The following ENOSF1 variants were observed in gnomAD, a reference collection of about 807,000 sequenced individuals.
The protein encoded by ENOSF1 is mitochondrial enolase superfamily member 1.
A neutral mutation model predicts 68.2 loss-of-function variants in ENOSF1; 73 were observed. The ratio of observed to expected loss-of-function variants is 1.07; its 90% CI spans 0.89 to 1.30. The LOEUF (loss-of-function observed/expected upper bound fraction) is 1.30. ENOSF1 is among the 50% of genes most tolerant of loss of function. The pLI, the probability that ENOSF1 is intolerant of heterozygous loss-of-function variation, is 0.00. For missense variants in ENOSF1, 589 were observed against 554.5 expected (o/e 1.06, Z -0.62); for synonymous variants, 223 against 210.4 (o/e 1.06, Z -0.52).
chr18:693,590 A>G (rs1353175683), intron 5 of ENOSF1: 39 of 985,288 alleles, frequency 4.0e-5, no homozygotes, highest in Non-Finnish European at 4.6e-5. Flanking sequence ...TCCTCTTGTC[A>G]TAGTCAGGCA....
chr18:682,142 C>T (rs1252622880), intron 11 of ENOSF1, among the ~76,000 whole-genome samples: 1 of 152,158 alleles, frequency 6.6e-6, no homozygotes, highest in African/African-American at 2.4e-5. Flanking sequence ...CATGAATGTA[C>T]AGTCGTGTCA....
chr18:677,028 G>A (rs2075585129), intron 14 of ENOSF1, among the ~76,000 whole-genome samples: 1 of 152,270 alleles, frequency 6.6e-6, no homozygotes, highest in Admixed American at 6.5e-5. Flanking sequence ...CCAGTACTGG[G>A]AAGAGGAGAT....
intron 9 of ENOSF1, chr18:688,329 G>C (rs1276434796): frequency 5.9e-6 from 3 of 505,988 alleles, no homozygotes; most frequent in Non-Finnish European, 1.1e-5. Context: ...CTAGGTTAGT[G>C]CCCGAAATAA....
chr18:674,925 TTGA>T (rs2075329013), intron 15 of ENOSF1, among the ~76,000 whole-genome samples: 1 of 152,230 alleles, frequency 6.6e-6, no homozygotes, highest in African/African-American at 2.4e-5. Flanking sequence ...ATCAAACTCT[TTGA>T]TAATAGTTTG....
At chr18:694,452 G>A (rs2077515581) in intron 3 of ENOSF1, 118 bp from the exon 4 acceptor site, 4 of 840,928 alleles carry the variant, frequency 4.8e-6, no homozygotes, top group Non-Finnish European at 7.5e-6. Flanking sequence ...CCAACATGGT[G>A]AAACCCCGTC....
intron 14 of ENOSF1, among the ~76,000 whole-genome samples, chr18:676,652 A>G (rs2075553664): frequency 6.6e-6 from 1 of 152,246 alleles, no homozygotes; most frequent in Non-Finnish European, 1.5e-5. Context: ...CAGTGCAAGA[A>G]TAGACTAATA....
At chr18:664,696 A>G in the ENOSF1 span, among the ~76,000 whole-genome samples, 1 of 150,892 alleles carries the variant, frequency 6.6e-6, no homozygotes, top group East Asian at 1.9e-4. Context: ...TGTCCCATCA[A>G]TACCTAATTT....
In ENOSF1 at chr18:672,772, C is replaced by T; in HGVS notation, c.*1533G>A. 1 of 1,405,768 alleles carries T rather than the reference C, an allele frequency of 7.1e-7. No homozygotes were observed. The highest frequency in any genetic ancestry group is 9.6e-7 in the Non-Finnish European group (1 of 1,036,588). The allele number at this position is 1,405,768 out of a possible 1,614,324, so 87.1% of individuals were successfully genotyped here. On this transcript the variant is annotated 3_prime_UTR_variant, in exon 16 of 16. Transcript: ENST00000647584. ...CTGTAAAATAGAACTTTGTTGATCA[C>T]ATCCTGTGTACTTGTTTCACGGACA...
intron 2 of ENOSF1, among the ~76,000 whole-genome samples, chr18:705,081 C>T (rs1017084966): frequency 2.0e-5 from 3 of 152,206 alleles, no homozygotes; most frequent in African/African-American, 7.2e-5. Flanking sequence ...TTCGCACATA[C>T]ACACACTCAC....
intron 14 of ENOSF1, 53 bp downstream of exon 14, chr18:677,292 C>T: frequency 1.4e-6 from 2 of 1,445,546 alleles, no homozygotes; most frequent in South Asian, 2.3e-5. Flanking sequence ...CAAGCTCTGG[C>T]CTGGATTGAG....
At chr18:706,022 T>C (rs1344589058) in intron 2 of ENOSF1, among the ~76,000 whole-genome samples, 2 of 151,722 alleles carry the variant, frequency 1.3e-5, no homozygotes, top group African/African-American at 4.8e-5. Flanking sequence ...AATATATACA[T>C]ATATATATTG....
chr18:675,618 T>C (rs1049750840), intron 14 of ENOSF1: 1 of 557,652 alleles, frequency 1.8e-6, no homozygotes, highest in African/African-American at 1.9e-5. Flanking sequence ...TTTGATGACA[T>C]GAACACACGA....
intron 9 of ENOSF1, 150 bp downstream of exon 9, chr18:688,424 T>C: frequency 1.1e-6 from 1 of 876,110 alleles, no homozygotes; most frequent in East Asian, 2.7e-5. Flanking sequence ...GAGCCTGGCC[T>C]AAGGGGAAAC....
chr18:691,252 T>C lies in ENOSF1; in HGVS notation c.448A>G (p.Ile150Val), dbSNP rs143796568. 1,721 of 1,614,154 alleles carry C rather than the reference T, an allele frequency of 1.1e-3. 6 individuals are homozygous for C. Among genetic ancestry groups the C allele is most frequent in the Middle Eastern group, 1.2e-3 (7 of 6,062 alleles). Residue 150 changes from isoleucine to valine, a missense_variant, in exon 6 of 16, where the codon ATA becomes GTA. Coordinates refer to ENST00000647584, the MANE Select transcript of ENOSF1 (RefSeq NM_017512.7). ...DMDPRMLVSC[I>V]DFRYITDVLT... ...ACATCAGTGATGTACCTGAAATCTA[T>C]GCAGGATACCAGCATCCTGGGATCC...
chr18:706,830 C>CTT (rs2078997834), intron 1 of ENOSF1: 1 of 93,950 alleles, frequency 1.1e-5, no homozygotes, highest in African/African-American at 4.1e-5. Context: ...TTTTTTTTTT[C>CTT]TTTTTTGAGA....
Position 673,190 on chromosome 18 carries a change from C to T in ENOSF1, c.*1115G>A. On this transcript the variant is annotated 3_prime_UTR_variant, in exon 16 of 16. Transcript: ENST00000647584. ...TGCCAGTTCTTTCCATAATAAAAGG[C>T]TTTGAGTTAACTCACTGAGGGTATC... The T allele has an allele frequency of 2.0e-6, 1 of 512,480 alleles. No homozygotes were observed. Among genetic ancestry groups the T allele is most frequent in the Non-Finnish European group, 3.2e-6 (1 of 310,438 alleles). The allele number at this position is 512,480 out of a possible 1,614,324, so 31.7% of individuals were successfully genotyped here.
At chr18:680,403 G>T (rs776375645) in intron 11 of ENOSF1, among the ~76,000 whole-genome samples, 11 of 152,310 alleles carry the variant, frequency 7.2e-5, no homozygotes, top group Non-Finnish European at 1.3e-4. Context: ...AGGAGGAAAG[G>T]CCATTTGACT....
chr18:665,898 G>T (rs1258361680), downstream of ENOSF1, among the ~76,000 whole-genome samples: 4 of 97,870 alleles, frequency 4.1e-5, no homozygotes, highest in Non-Finnish European at 7.6e-5. Context: ...TATAATTTCT[G>T]TTCTTTTACA....
At chr18:703,539 C>G (rs1046407550) in intron 2 of ENOSF1, among the ~76,000 whole-genome samples, 4 of 152,190 alleles carry the variant, frequency 2.6e-5, no homozygotes, top group African/African-American at 9.7e-5. Flanking sequence ...GCTCACAGCT[C>G]TGTCTTAGTA....
Sources: allele counts gnomAD v4.1 joint callset (sites outside exome capture counted in the v4.1 genomes callset), GRCh38; gene constraint gnomAD v4.1.1; transcripts MANE v1.5; gene names NCBI Gene and HGNC (gene_info 2026-07-23, HGNC 2026-07-21).